STAU1: variants seen among roughly 807,000 people sequenced by gnomAD.
STAU1 encodes double-stranded RNA-binding protein Staufen homolog 1.
In STAU1, 13 loss-of-function variants were observed where a neutral mutation model predicts 62.9. That is an observed-to-expected ratio of 0.21 (90% CI 0.13 to 0.33). The LOEUF (loss-of-function observed/expected upper bound fraction) is 0.33. Among genes scored for constraint, STAU1 ranks in the 10% least tolerant of loss-of-function variants. The pLI, the probability that STAU1 is intolerant of heterozygous loss-of-function variation, is 1.00. For synonymous variants in STAU1, 269 were observed against 265.1 expected (o/e 1.01, Z -0.14); for missense variants, 571 against 712.1 (o/e 0.80, Z 2.25).
chr20:49,130,394 T>C (rs572820731), intron 6 of STAU1, among the ~76,000 whole-genome samples: 2 of 152,270 alleles, frequency 1.3e-5, no homozygotes, highest in South Asian at 4.2e-4. Context: ...TACAGAACCA[T>C]ATACACTTAT....
intron 2 of STAU1, among the ~76,000 whole-genome samples, chr20:49,172,492 G>C (rs1388418616): frequency 6.6e-6 from 1 of 152,186 alleles, no homozygotes; most frequent in Non-Finnish European, 1.5e-5. Flanking sequence ...TTTAAAAGTA[G>C]TTCTGTGTGA....
chr20:49,131,115 G>A (rs183006116), intron 6 of STAU1, among the ~76,000 whole-genome samples: 3 of 152,220 alleles, frequency 2.0e-5, no homozygotes. Flanking sequence ...CTAATCATAA[G>A]TAATCCATCA....
intron 5 of STAU1, among the ~76,000 whole-genome samples, chr20:49,149,643 T>C (rs1403617106): frequency 6.6e-6 from 1 of 152,218 alleles, no homozygotes; most frequent in African/African-American, 2.4e-5. Flanking sequence ...ATCTCACCAC[T>C]GAAAAGCTCA....
chr20:49,198,720 T>C, the STAU1 span, among the ~76,000 whole-genome samples: 1 of 151,854 alleles, frequency 6.6e-6, no homozygotes, highest in African/African-American at 2.4e-5. Flanking sequence ...TTTCAGCACT[T>C]TGGGAGGCCG....
chr20:49,173,124 G>A (rs901294632), intron 2 of STAU1, among the ~76,000 whole-genome samples: 6 of 150,386 alleles, frequency 4.0e-5, no homozygotes, highest in South Asian at 2.1e-4. Flanking sequence ...GATTACAGGC[G>A]TGAGCCACTG....
chr20:49,189,385 G>A (rs1271906989), upstream of STAU1, among the ~76,000 whole-genome samples: 6 of 151,468 alleles, frequency 4.0e-5, no homozygotes, highest in South Asian at 2.1e-4. Flanking sequence ...CTGTAATCCC[G>A]GCACTTTGGG....
intron 5 of STAU1, among the ~76,000 whole-genome samples, chr20:49,148,076 C>T (rs2093166254): frequency 6.6e-6 from 1 of 152,178 alleles, no homozygotes; most frequent in Non-Finnish European, 1.5e-5. Flanking sequence ...TTAAAACTGT[C>T]TCTCTTTATT....
intron 3 of STAU1, chr20:49,158,476 T>C: frequency 7.7e-7 from 1 of 1,299,482 alleles, no homozygotes; most frequent in Non-Finnish European, 1.0e-6. Flanking sequence ...ACTTTTAGGA[T>C]TCCCTCAGTG....
chr20:49,202,274 G>T, the STAU1 span, among the ~76,000 whole-genome samples: 16 of 147,274 alleles, frequency 1.1e-4, no homozygotes, highest in East Asian at 3.2e-3. Flanking sequence ...ACTAGAATAG[G>T]CTGGGACACC....
At chr20:49,142,586 G>A (rs958398894) in intron 5 of STAU1, among the ~76,000 whole-genome samples, 3 of 152,002 alleles carry the variant, frequency 2.0e-5, no homozygotes, top group Admixed American at 6.6e-5. Context: ...TCTGGAGCCC[G>A]CTCCAGACAA....
chr20:49,156,491 A>G (rs915546148), intron 3 of STAU1, among the ~76,000 whole-genome samples: 1 of 152,216 alleles, frequency 6.6e-6, no homozygotes, highest in Middle Eastern at 3.2e-3. Context: ...TTTGAAAGGT[A>G]CCTGTTTGGC....
At position 49,124,496 on chromosome 20, in the gene STAU1, T is replaced by C. The variant is rs1275280048; in HGVS notation, c.701A>G (p.Lys234Arg). ...EFVGEGEGKS[K>R]KISKKNAAIA... ...GGCGGCATTTTTCTTTGAAATCTTC[T>C]TGCTTTTCCCTTCACCTTCCCCCAC... The change falls in exon 7 of 14, where the codon AAG becomes AGG. Residue 234 changes from lysine (K) to arginine (R), a missense_variant. Physicochemically the swap from Lys to Arg is conservative, Grantham distance 26. Around this residue, in one of 3 missense-constraint regions of STAU1, gnomAD observed 414 missense variants for 499.6 expected, o/e 0.83. Coordinates refer to ENST00000371856, the MANE Select transcript of STAU1 (RefSeq NM_017453.4). 1 of 1,614,220 alleles carries C rather than the reference T, an allele frequency of 6.2e-7. No homozygotes were observed. The highest frequency in any genetic ancestry group is 1.7e-5 in the Admixed American group (1 of 60,024).
At chr20:49,197,888 A>G in the STAU1 span, among the ~76,000 whole-genome samples, 37 of 151,902 alleles carry the variant, frequency 2.4e-4, no homozygotes, top group African/African-American at 8.7e-4. Context: ...TTTAATTCTT[A>G]TTAGAGACAA....
At chr20:49,164,342 G>C (rs1056445711) in intron 3 of STAU1, among the ~76,000 whole-genome samples, 24 of 151,812 alleles carry the variant, frequency 1.6e-4, no homozygotes, top group African/African-American at 5.8e-4. Context: ...TGTCTCCCAG[G>C]CTGGATGGAA....
rs181018896 is a variant in STAU1, at chr20:49,184,689, C to T, written c.-160+3427G>A. ...CAATTCTCAATGCTTAAAAGTTTTA[C>T]GTTAAGCTTAATGGGAAGCACTACA... On this transcript the variant is annotated intron_variant, in intron 1 of 13. Coordinates refer to ENST00000371856, the MANE Select transcript of STAU1 (RefSeq NM_017453.4). Among the ~76,000 whole-genome samples the T allele has an allele frequency of 3.9e-4, 59 of 152,258 alleles. 1 individual carries two copies. The East Asian group carries it at 8.5e-3, about 22-fold the overall frequency.
the STAU1 span, among the ~76,000 whole-genome samples, chr20:49,198,058 A>G: frequency 6.6e-6 from 1 of 152,206 alleles, no homozygotes; most frequent in Admixed American, 6.6e-5. Flanking sequence ...TAAGAAAAAC[A>G]AATGGGCAAA....
intron 5 of STAU1, among the ~76,000 whole-genome samples, chr20:49,146,955 A>G (rs1443948762): frequency 1.3e-5 from 2 of 152,146 alleles, no homozygotes; most frequent in Non-Finnish European, 2.9e-5. Flanking sequence ...ACTGCTCCTA[A>G]TAGCTCAGAC....
intron 8 of STAU1, 117 bp downstream of exon 8, chr20:49,122,975 G>C: frequency 9.4e-7 from 1 of 1,060,524 alleles, no homozygotes; most frequent in Non-Finnish European, 1.3e-6. Flanking sequence ...GTCGCTGGCA[G>C]AACATGGCCC....
chr20:49,154,883 G>A (rs979029446), intron 3 of STAU1, among the ~76,000 whole-genome samples: 9 of 150,032 alleles, frequency 6.0e-5, no homozygotes, highest in Admixed American at 4.7e-4. Context: ...TCAGGAGTTC[G>A]AGACCAGCCT....
Sources: gnomAD v4.1 joint callset for allele counts (sites outside exome capture counted in the v4.1 genomes callset) on GRCh38, gnomAD v4.1.1 for gene constraint, gnomAD v4.1.1 regional missense constraint, MANE v1.5 for transcripts, NCBI Gene and HGNC (gene_info 2026-07-23, HGNC 2026-07-21) for gene names.